The following KIFAP3 variants were observed in gnomAD, a reference collection of about 807,000 sequenced individuals.
KIFAP3 encodes kinesin-associated protein 3.
In KIFAP3, 68 loss-of-function variants were observed where a neutral mutation model predicts 106.5. The ratio of observed to expected loss-of-function variants is 0.64; its 90% CI spans 0.53 to 0.78. The LOEUF (loss-of-function observed/expected upper bound fraction) is 0.78, where lower values mean the gene tolerates loss of function less well. Ranked by LOEUF, KIFAP3 falls within the 30% of genes least tolerant of loss-of-function variation. The pLI, the probability that KIFAP3 is intolerant of heterozygous loss-of-function variation, is 0.00. For missense variants in KIFAP3, 780 were observed against 941.8 expected (o/e 0.83, Z 2.25); for synonymous variants, 320 against 311.5 (o/e 1.03, Z -0.29).
chr1:169,959,138 G>A (rs539560669), intron 18 of KIFAP3, among the ~76,000 whole-genome samples: 29 of 152,256 alleles, frequency 1.9e-4, no homozygotes, highest in East Asian at 1.4e-3. Flanking sequence ...TCAGGGAGAC[G>A]CAGAGGCTTA....
At chr1:169,953,554 A>G (rs554069023) in intron 19 of KIFAP3, among the ~76,000 whole-genome samples, 68 of 152,074 alleles carry the variant, frequency 4.5e-4, no homozygotes, top group African/African-American at 1.4e-3. Context: ...TCGCTCTGTC[A>G]CCCAGGCTGG....
intron 1 of KIFAP3, among the ~76,000 whole-genome samples, chr1:170,060,164 C>T (rs1671062487): frequency 6.6e-6 from 1 of 152,008 alleles, no homozygotes. Flanking sequence ...AAGTTCTGGC[C>T]AGGGCAATCA....
chr1:169,991,783 C>T (rs1251933445), intron 11 of KIFAP3, among the ~76,000 whole-genome samples: 1 of 151,910 alleles, frequency 6.6e-6, no homozygotes. Context: ...AATTATGTTA[C>T]ATCCATGTAA....
intron 9 of KIFAP3, 104 bp from the exon 10 acceptor site, chr1:170,016,728 T>C (rs982412587): frequency 3.1e-6 from 2 of 636,154 alleles, no homozygotes; most frequent in Admixed American, 3.8e-5. Flanking sequence ...ATATCTGTTT[T>C]ATAATTATAT....
intron 10 of KIFAP3, among the ~76,000 whole-genome samples, chr1:169,997,185 TA>T (rs1667408195): frequency 6.6e-6 from 1 of 152,196 alleles, no homozygotes; most frequent in Non-Finnish European, 1.5e-5. Flanking sequence ...GAATGTTATT[TA>T]AATTCTGTGT....
intron 1 of KIFAP3, among the ~76,000 whole-genome samples, chr1:170,066,734 C>A (rs1028047584): frequency 1.3e-5 from 2 of 152,140 alleles, no homozygotes; most frequent in Non-Finnish European, 1.5e-5. Context: ...AAGCTCCAAG[C>A]TTTAAGCTTG....
At position 169,956,610 on chromosome 1, in the gene KIFAP3, C is replaced by CTT. The variant is rs1163823729; in HGVS notation, c.2174-2502_2174-2501dup. Among the ~76,000 whole-genome samples, 332 of 117,416 alleles carry CTT rather than the reference C, an allele frequency of 2.8e-3. 5 individuals are homozygous for CTT. Among genetic ancestry groups the CTT allele is most frequent in the African/African-American group, 6.7e-3 (206 of 30,786 alleles). 77.0% of individuals were successfully genotyped at this position (117,416 alleles called of 152,430 possible). A position where few individuals can be genotyped will look rare whatever the true frequency, so the allele number is the denominator to read the frequency against. On this transcript the variant is annotated intron_variant, in intron 18 of 19. Transcript: ENST00000361580. The stretch of plus-strand genomic sequence containing the variant: ...AGAGTAAATTTATACCACTGAAGTT[C>CTT]TTTTTTTTTTTTTTTTTTTTTAGAC...
At chr1:170,084,799 C>T (rs549167745) in intron 1 of KIFAP3, among the ~76,000 whole-genome samples, 80 of 152,040 alleles carry the variant, frequency 5.3e-4, no homozygotes, top group Non-Finnish European at 9.7e-4. Context: ...ACCTGGTATA[C>T]GAGAACATGG....
chr1:169,984,657 G>C lies in KIFAP3; in HGVS notation c.1318C>G (p.Arg440Gly). ...MKMLFECSDE[R>G]IDLELISFCI... The stretch of plus-strand genomic sequence containing the variant: ...AAAGAAATGAGTTCCAAGTCAATTC[G>C]TTCATCTGAACATTCAAACAGCATC... The change falls in exon 12 of 20, where the codon CGA (arginine) becomes GGA (glycine). Residue 440 changes from arginine to glycine, a missense_variant. Arg to Gly is a moderately radical substitution (Grantham distance 125). Coordinates refer to ENST00000361580, the MANE Select transcript of KIFAP3 (RefSeq NM_014970.4). 5.0e-6 allele frequency: 8 copies of C among 1,606,652 alleles called. No individual in the cohort carries two copies. The highest frequency in any genetic ancestry group is 6.8e-6 in the Non-Finnish European group (8 of 1,174,698).
intron 1 of KIFAP3, among the ~76,000 whole-genome samples, chr1:170,071,704 C>A (rs1334109177): frequency 6.6e-6 from 1 of 152,176 alleles, no homozygotes; most frequent in Admixed American, 6.5e-5. Flanking sequence ...AGAACAGCAC[C>A]AAGCCATTCA....
intron 19 of KIFAP3, among the ~76,000 whole-genome samples, chr1:169,924,823 T>TCAA (rs1389078731): frequency 5.3e-5 from 8 of 152,180 alleles, no homozygotes; most frequent in African/African-American, 1.9e-4. Flanking sequence ...ATGTAAGTTC[T>TCAA]TGAAAGAGAT....
At chr1:170,039,414 TAATC>T (rs913226655) in intron 3 of KIFAP3, 126 bp from the exon 4 acceptor site, 60 of 563,038 alleles carry the variant, frequency 1.1e-4, no homozygotes, top group Non-Finnish European at 1.7e-4. Context: ...GTTTATGAAA[TAATC>T]TCTTCTCAAT....
Position 169,986,289 on chromosome 1 carries a change from C to G in KIFAP3, c.1285-1599G>C, listed in dbSNP as rs760417837. Among the ~76,000 whole-genome samples the G allele has an allele frequency of 2.0e-5, 3 of 151,644 alleles. No homozygotes were observed. The Admixed American group carries it at 2.0e-4, about 10-fold the overall frequency. ...TGTGTTAGCAATGAACAGCTGAAAA[C>G]CAAAATTAAATTTGGTTAAATTAAA... On this transcript the variant is annotated intron_variant, in intron 11 of 19. Coordinates refer to ENST00000361580, the MANE Select transcript of KIFAP3 (RefSeq NM_014970.4).
chr1:170,047,151 A>G (rs1313181897), intron 2 of KIFAP3, among the ~76,000 whole-genome samples: 4 of 152,178 alleles, frequency 2.6e-5, no homozygotes, highest in African/African-American at 9.7e-5. Flanking sequence ...TCTGATATAA[A>G]ATATATAAAG....
At chr1:170,002,703 A>C (rs1667724900) in intron 10 of KIFAP3, among the ~76,000 whole-genome samples, 1 of 152,212 alleles carries the variant, frequency 6.6e-6, no homozygotes, top group Non-Finnish European at 1.5e-5. Context: ...TTTAAGAAAT[A>C]TGTCAGAGCT....
At chr1:170,013,114 G>A (rs753162588) in intron 10 of KIFAP3, among the ~76,000 whole-genome samples, 3 of 152,016 alleles carry the variant, frequency 2.0e-5, no homozygotes, top group Non-Finnish European at 4.4e-5. Flanking sequence ...TCTATGAACC[G>A]GGAAGCAGGC....
chr1:170,017,139 C>A (rs553019932), intron 9 of KIFAP3, among the ~76,000 whole-genome samples: 58 of 151,928 alleles, frequency 3.8e-4, no homozygotes, highest in African/African-American at 1.4e-3. Flanking sequence ...CACCTGTAGT[C>A]CCAGCTACTT....
intron 10 of KIFAP3, among the ~76,000 whole-genome samples, chr1:169,993,559 G>T (rs190961745): frequency 6.6e-6 from 1 of 151,168 alleles, no homozygotes; most frequent in Non-Finnish European, 1.5e-5. Context: ...TCTAAAAGGG[G>T]TTCAGAATTA....
intron 10 of KIFAP3, among the ~76,000 whole-genome samples, chr1:170,015,107 G>A (rs1668439020): frequency 6.6e-6 from 1 of 152,080 alleles, no homozygotes. Context: ...TTTTCCACTT[G>A]TTAACAAATT....
Sources: allele counts gnomAD v4.1 joint callset (sites outside exome capture counted in the v4.1 genomes callset), GRCh38; gene constraint gnomAD v4.1.1; transcripts MANE v1.5; gene names NCBI Gene and HGNC (gene_info 2026-07-23, HGNC 2026-07-21).